Variants in MYO9A observed in about 807,000 individuals in gnomAD.
The protein encoded by MYO9A is myosin IXA.
Under a neutral mutation model 293.3 loss-of-function variants are expected in MYO9A, and 103 were observed. The observed-to-expected ratio is 0.35, with a 90% confidence interval of 0.30 to 0.41. The LOEUF is 0.41. Among genes scored for constraint, MYO9A ranks in the 10% least tolerant of loss-of-function variants. MYO9A has a pLI of 1.00. For synonymous variants in MYO9A, 1,001 were observed against 1,035.7 expected, an observed-to-expected ratio of 0.97 and a Z score of 0.64; for missense variants, 2,685 against 3,033.0, an observed-to-expected ratio of 0.89 and a Z score of 2.69.
rs1263754554 is a variant in MYO9A, at chr15:71,823,349, G to GAAAC, written c.*3227_*3230dup. The GAAAC allele has an allele frequency of 6.6e-6, 1 of 152,192 alleles. No homozygotes were observed. The highest frequency in any genetic ancestry group is 1.5e-5 in the Non-Finnish European group (1 of 68,038). 9.4% of individuals were successfully genotyped at this position (152,192 alleles called of 1,614,324 possible). On this transcript the variant is annotated 3_prime_UTR_variant, in exon 42 of 42. Transcript: ENST00000356056. The stretch of plus-strand genomic sequence containing the variant: ...ATGGAGAAAACAACGCTACTGTTAT[G>GAAAC]AAACACAGAATGGAGTCTTCATTAA...
intron 32 of MYO9A, among the ~76,000 whole-genome samples, chr15:71,874,265 A>G (rs1394963380): frequency 2.0e-5 from 3 of 152,238 alleles, no homozygotes; most frequent in African/African-American, 7.2e-5. Context: ...TTAGTAAGGT[A>G]GATGATAAAT....
In MYO9A at chr15:71,826,942, C is replaced by A. The variant is rs771852428; in HGVS notation, c.7285G>T (p.Val2429Leu). The A allele has an allele frequency of 6.2e-6, 10 of 1,614,032 alleles. No individual in the cohort carries two copies. The highest frequency in any genetic ancestry group is 2.2e-5 in the South Asian group (2 of 91,072). The change falls in exon 42 of 42, where the codon GTG becomes TTG. Residue 2429 changes from valine (V) to leucine (L), a missense_variant. Coordinates refer to ENST00000356056, the MANE Select transcript of MYO9A (RefSeq NM_006901.4). ...LKKQQDSLDV[V>L]DSSVSSLCLS... ...CATAAAGAGGAGACCGAAGAGTCCA[C>A]GACATCTAAAGAGTCTTGCTGCTTT...
At chr15:72,006,237 C>A (rs769956167) in intron 8 of MYO9A, among the ~76,000 whole-genome samples, 1 of 151,936 alleles carries the variant, frequency 6.6e-6, no homozygotes, top group African/African-American at 2.4e-5. Context: ...CCACGCCCAG[C>A]TAATTTTTGT....
At chr15:71,921,100 C>T (rs1191496628) in intron 18 of MYO9A, among the ~76,000 whole-genome samples, 3 of 151,860 alleles carry the variant, frequency 2.0e-5, no homozygotes, top group African/African-American at 7.3e-5. Flanking sequence ...AACAATGTAA[C>T]TAAAAAAAAT....
chr15:71,919,661 C>T (rs374531372), intron 18 of MYO9A, among the ~76,000 whole-genome samples: 5 of 151,516 alleles, frequency 3.3e-5, no homozygotes, highest in South Asian at 2.1e-4. Flanking sequence ...GCCAACATGG[C>T]GAAACCCCAT....
chr15:71,934,138 A>T (rs1335212211), intron 17 of MYO9A, among the ~76,000 whole-genome samples: 1 of 152,160 alleles, frequency 6.6e-6, no homozygotes, highest in African/African-American at 2.4e-5. Flanking sequence ...GTAATTAAAA[A>T]TTCTATTCCA....
rs138105643 is a variant in MYO9A at position 71,862,573 on chromosome 15, T to C, written c.6018A>G (p.Gln2006=). 9.4e-5 allele frequency: 152 copies of C among 1,613,292 alleles called. 2 individuals are homozygous for C. The African/African-American group carries it at 1.3e-3, about 13-fold the overall frequency. The change falls in exon 33 of 42, where the codon CAA becomes CAG. Residue 2006 remains glutamine, a synonymous_variant. Transcript: ENST00000356056. ...ATTCACAGTATGTAGGGATGCTATA[T>C]TGGGTGGCTTTAAAGATGTGACCAT... is the stretch of plus-strand genomic sequence containing the variant. The part of the protein sequence containing the change: ...EHNGHIFKAT[Q]YSIPTYCEYC...
chr15:72,074,951 C>CTTTTTTTTTTTTTTTTTTTTTTTTT (rs750462703), intron 1 of MYO9A, among the ~76,000 whole-genome samples: 5 of 53,110 alleles, frequency 9.4e-5, no homozygotes, highest in Non-Finnish European at 1.3e-4. Context: ...TTTTCACTGC[C>CTTTTTTTTTTTTTTTTTTTTTTTTT]TTTTTTTTTT....
chr15:72,063,210 A>G (rs1302909746), intron 1 of MYO9A, among the ~76,000 whole-genome samples: 1 of 152,228 alleles, frequency 6.6e-6, no homozygotes, highest in African/African-American at 2.4e-5. Flanking sequence ...GAAGGGAGAA[A>G]CTAGACCCCT....
intron 11 of MYO9A, among the ~76,000 whole-genome samples, chr15:71,985,409 G>T (rs975985093): frequency 1.1e-4 from 16 of 152,146 alleles, no homozygotes; most frequent in Admixed American, 3.9e-4. Context: ...AGGTGGTTAA[G>T]AATACTACAA....
chr15:72,079,673 A>G (rs1002462710), intron 1 of MYO9A, among the ~76,000 whole-genome samples: 1 of 152,200 alleles, frequency 6.6e-6, no homozygotes, highest in Non-Finnish European at 1.5e-5. Flanking sequence ...AATGAAAGGA[A>G]AAGATGGGGG....
chr15:71,938,948 G>C, intron 15 of MYO9A, 21 bp from the exon 16 acceptor site: 1 of 1,573,716 alleles, frequency 6.4e-7, no homozygotes, highest in Non-Finnish European at 8.7e-7. Context: ...TTAAAAAACA[G>C]AAAATTTCAA....
At chr15:71,856,545 T>C (rs889496043) in intron 34 of MYO9A, among the ~76,000 whole-genome samples, 2 of 151,998 alleles carry the variant, frequency 1.3e-5, no homozygotes, top group African/African-American at 4.8e-5. Context: ...AATATAAAAC[T>C]ACAAAGGTAG....
chr15:71,990,336 T>C (rs1044818496), intron 11 of MYO9A, among the ~76,000 whole-genome samples: 8 of 151,998 alleles, frequency 5.3e-5, no homozygotes, highest in Non-Finnish European at 1.0e-4. Flanking sequence ...CCACCCACCT[T>C]GGCCTCCCAA....
At chr15:71,911,980 T>TA (rs1276485412) in intron 19 of MYO9A, among the ~76,000 whole-genome samples, 5 of 152,218 alleles carry the variant, frequency 3.3e-5, no homozygotes, top group African/African-American at 9.6e-5. Context: ...TCCTTTTTTT[T>TA]ATTGAGTATA....
intron 6 of MYO9A, among the ~76,000 whole-genome samples, chr15:72,014,098 T>C (rs1278167723): frequency 6.6e-6 from 1 of 152,200 alleles, no homozygotes; most frequent in Non-Finnish European, 1.5e-5. Context: ...TGAGACACTG[T>C]CCAGTTCCAT....
intron 32 of MYO9A, among the ~76,000 whole-genome samples, chr15:71,864,507 C>A (rs1321086813): frequency 6.6e-6 from 1 of 152,096 alleles, no homozygotes; most frequent in African/African-American, 2.4e-5. Context: ...TGAAAATGTA[C>A]GTCCAAGAAA....
chr15:72,101,164 G>A (rs2080293897), intron 1 of MYO9A, among the ~76,000 whole-genome samples: 1 of 138,360 alleles, frequency 7.2e-6, no homozygotes, highest in African/African-American at 2.7e-5. Context: ...GGGAGGTGAG[G>A]GGTGCCTCTG....
chr15:72,114,167 T>C (rs2080883196), intron 1 of MYO9A: 2 of 152,298 alleles, frequency 1.3e-5, no homozygotes, highest in South Asian at 4.1e-4. Flanking sequence ...CCCTTGTGTA[T>C]GGTTCCTTTC....
Sources: allele counts gnomAD v4.1 joint callset (sites outside exome capture counted in the v4.1 genomes callset), GRCh38; gene constraint gnomAD v4.1.1; transcripts MANE v1.5; gene names NCBI Gene and HGNC (gene_info 2026-07-23, HGNC 2026-07-21).